Variants in MKLN1 observed in about 807,000 individuals in gnomAD.
The protein encoded by MKLN1 is muskelin 1, also known as muskelin.
A neutral mutation model predicts 99.0 loss-of-function variants in MKLN1; 18 were observed. The ratio of observed to expected loss-of-function variants is 0.18; its 90% CI spans 0.13 to 0.27. The LOEUF (loss-of-function observed/expected upper bound fraction) is 0.27. Among genes scored for constraint, MKLN1 ranks in the 10% least tolerant of loss-of-function variants. The probability of loss-of-function intolerance (pLI) is 1.00; values close to 1 mark genes in which losing one functional copy is unlikely to be tolerated. For synonymous variants in MKLN1, 288 were observed against 293.2 expected, an observed-to-expected ratio of 0.98 and a Z score of 0.18; for missense variants, 621 against 875.9, an observed-to-expected ratio of 0.71 and a Z score of 3.67.
chr7:131,229,534 A>G, intron 3 of MKLN1, among the ~76,000 whole-genome samples: 1 of 84,218 alleles, frequency 1.2e-5, no homozygotes, highest in East Asian at 2.8e-4. Context: ...CTCTTTTCAG[A>G]CATGTGTGTG....
At chr7:131,339,513 A>T (rs536241509) in intron 1 of MKLN1, among the ~76,000 whole-genome samples, 22 of 152,106 alleles carry the variant, frequency 1.4e-4, no homozygotes, top group Admixed American at 3.3e-4. Flanking sequence ...AGCCTGGCCA[A>T]CATAGTGAAA....
chr7:131,470,247 A>G (rs1196072647), intron 15 of MKLN1, among the ~76,000 whole-genome samples: 1 of 152,242 alleles, frequency 6.6e-6, no homozygotes, highest in East Asian at 1.9e-4. Flanking sequence ...GAAGTGATAC[A>G]TGTAAAATAC....
At chr7:131,130,259 G>T (rs961078159) in intron 1 of MKLN1, among the ~76,000 whole-genome samples, 1 of 152,204 alleles carries the variant, frequency 6.6e-6, no homozygotes, top group African/African-American at 2.4e-5. Context: ...AATACCATAT[G>T]CCTAGGGTTG....
chr7:131,298,342 A>G (rs1344952757), intron 3 of MKLN1, among the ~76,000 whole-genome samples: 2 of 152,006 alleles, frequency 1.3e-5, no homozygotes. Flanking sequence ...AGGTGCTTGG[A>G]TGATTCTTCC....
At position 131,120,286 on chromosome 7, in the gene MKLN1, G is replaced by A. The variant is rs1297942663; in HGVS notation, c.-419+10079G>A. The stretch of plus-strand genomic sequence containing the variant: ...CACACCTGTAATCCCAGCACTTTGG[G>A]AGGCCGAGGCGGGTGGATCACGAGG... On this transcript the variant is annotated intron_variant, in intron 1 of 7. Coordinates refer to the MKLN1 transcript ENST00000416992. 2.6e-5 allele frequency among the ~76,000 whole-genome samples: 4 copies of A among 151,854 alleles called. No individual in the cohort carries two copies. The South Asian group carries it at 6.2e-4, about 24-fold the overall frequency.
chr7:131,213,506 C>T (rs748913997), intron 3 of MKLN1, among the ~76,000 whole-genome samples: 7 of 152,212 alleles, frequency 4.6e-5, no homozygotes, highest in Non-Finnish European at 1.0e-4. Context: ...GTATTATTGA[C>T]ATTTTGGACT....
At chr7:131,382,744 G>T (rs1793889549) in intron 2 of MKLN1, among the ~76,000 whole-genome samples, 1 of 117,890 alleles carries the variant, frequency 8.5e-6, no homozygotes, top group African/African-American at 3.2e-5. Flanking sequence ...TTATTTTAGA[G>T]ACAGGGTCTT....
At chr7:131,136,648 A>T (rs966846082) in intron 1 of MKLN1, among the ~76,000 whole-genome samples, 4 of 152,164 alleles carry the variant, frequency 2.6e-5, no homozygotes, top group Admixed American at 2.6e-4. Flanking sequence ...ATTTTTGGGG[A>T]TGTCCAGGGC....
chr7:131,409,263 CTTA>C (rs1298359269), intron 6 of MKLN1, among the ~76,000 whole-genome samples: 2 of 152,120 alleles, frequency 1.3e-5, no homozygotes, highest in African/African-American at 2.4e-5. Flanking sequence ...GGCAAAAGGC[CTTA>C]TTAGCAAGCG....
intron 3 of MKLN1, among the ~76,000 whole-genome samples, chr7:131,223,288 C>T (rs1364782652): frequency 6.6e-6 from 1 of 152,152 alleles, no homozygotes. Flanking sequence ...GTGAGAGTAG[C>T]AAACTGGTCT....
At chr7:131,160,673 C>A (rs867840475) in intron 2 of MKLN1, among the ~76,000 whole-genome samples, 4 of 149,148 alleles carry the variant, frequency 2.7e-5, no homozygotes, top group Non-Finnish European at 5.9e-5. Context: ...CATGTGCCAC[C>A]ACACTGTGCT....
At chr7:131,408,185 C>T (rs1794765353) in intron 6 of MKLN1, among the ~76,000 whole-genome samples, 1 of 152,004 alleles carries the variant, frequency 6.6e-6, no homozygotes, top group African/African-American at 2.4e-5. Context: ...TGCCAAAAAT[C>T]CATACTCTCT....
intron 11 of MKLN1, among the ~76,000 whole-genome samples, 189 bp downstream of exon 11, chr7:131,443,891 G>T (rs1455836025): frequency 6.6e-6 from 1 of 152,114 alleles, no homozygotes; most frequent in Non-Finnish European, 1.5e-5. Flanking sequence ...TTCCTAAATA[G>T]TTACTACCTG....
chr7:131,266,745 C>T (rs1015184518), intron 3 of MKLN1, among the ~76,000 whole-genome samples: 11 of 151,882 alleles, frequency 7.2e-5, no homozygotes, highest in Non-Finnish European at 1.3e-4. Flanking sequence ...GAACTAATGC[C>T]TTACCTCCAT....
intron 1 of MKLN1, among the ~76,000 whole-genome samples, chr7:131,368,854 ATTAT>A (rs1800259070): frequency 6.6e-6 from 1 of 152,172 alleles, no homozygotes; most frequent in Non-Finnish European, 1.5e-5. Flanking sequence ...ATGCTTATAT[ATTAT>A]TTTATGTATG....
rs6942553 is a variant in MKLN1, at chr7:131,136,736, G to A, written c.-418-6084G>A. Among the ~76,000 whole-genome samples the A allele has an allele frequency of 1.7e-3, 266 of 152,296 alleles. 1 individual carries two copies. Among genetic ancestry groups the A allele is most frequent in the African/African-American group, 5.9e-3 (246 of 41,562 alleles). On this transcript the variant is annotated intron_variant, in intron 1 of 7. Transcript: ENST00000416992. ...CCACATGTCCTGCCGTTCTCCAAAT[G>A]CATTGTCTGCTCTTATTTGTTGGTG...
chr7:131,339,389 C>T (rs1241045261), intron 1 of MKLN1, among the ~76,000 whole-genome samples: 1 of 152,150 alleles, frequency 6.6e-6, no homozygotes, highest in African/African-American at 2.4e-5. Context: ...TCTTTTGAGA[C>T]TTACTTGTTT....
intron 8 of MKLN1, among the ~76,000 whole-genome samples, chr7:131,414,965 A>G (rs1248994636): frequency 3.3e-5 from 5 of 152,186 alleles, no homozygotes; most frequent in African/African-American, 9.7e-5. Flanking sequence ...TAGTAGAGTA[A>G]TATGGGAATT....
intron 6 of MKLN1, among the ~76,000 whole-genome samples, chr7:131,402,147 C>T (rs1236532818): frequency 2.0e-5 from 3 of 152,194 alleles, no homozygotes; most frequent in African/African-American, 4.8e-5. Context: ...CCTGCTGCTG[C>T]TTTATCAGCT....
Sources: gnomAD v4.1 joint callset for allele counts (sites outside exome capture counted in the v4.1 genomes callset) on GRCh38, gnomAD v4.1.1 for gene constraint, MANE v1.5 for transcripts, NCBI Gene and HGNC (gene_info 2026-07-23, HGNC 2026-07-21) for gene names.